KMT2C: variants seen among roughly 807,000 people sequenced by gnomAD.
KMT2C encodes lysine methyltransferase 2C.
In KMT2C, 88 loss-of-function variants were observed where a neutral mutation model predicts 507.9. That is an observed-to-expected ratio of 0.17 (90% CI 0.15 to 0.21). The LOEUF (loss-of-function observed/expected upper bound fraction) is 0.21, where lower values mean the gene tolerates loss of function less well. Among genes scored for constraint, KMT2C ranks in the 10% least tolerant of loss-of-function variants. The probability of loss-of-function intolerance (pLI) is 1.00; values close to 1 mark genes in which losing one functional copy is unlikely to be tolerated. For missense variants in KMT2C, 4,954 were observed against 5,957.8 expected (o/e 0.83, Z 5.55); for synonymous variants, 2,049 against 2,080.8 (o/e 0.98, Z 0.42).
chr7:152,410,153 G>A (rs5004953), intron 1 of KMT2C, among the ~76,000 whole-genome samples: 2 of 120,494 alleles, frequency 1.7e-5, no homozygotes, highest in South Asian at 5.3e-4. Context: ...GGCTCATGCC[G>A]GTAATCCTAG....
In KMT2C at chr7:152,145,389, A is replaced by G. The variant is rs560534731; in HGVS notation, c.14032-94T>C. ...CAAAGGATGGCCCACGACAGAAATA[A>G]CTCATCAGCGTTTTCCCCGATAATA... On this transcript the variant is annotated intron_variant, in intron 53 of 58. Coordinates refer to ENST00000262189, the MANE Select transcript of KMT2C (RefSeq NM_170606.3). 7 of 1,250,664 alleles carry G rather than the reference A, an allele frequency of 5.6e-6. No individual in the cohort carries two copies. The African/African-American group carries it at 1.1e-4, about 19-fold the overall frequency. The allele number at this position is 1,250,664 out of a possible 1,614,324, so 77.5% of individuals were successfully genotyped here. A position where few individuals can be genotyped will look rare whatever the true frequency, so the allele number is the denominator to read the frequency against.
chr7:152,298,280 A>G (rs1178921124), intron 6 of KMT2C, among the ~76,000 whole-genome samples: 4 of 152,140 alleles, frequency 2.6e-5, no homozygotes, highest in Non-Finnish European at 5.9e-5. Context: ...AAAAAGACCT[A>G]TTAACTCACG....
In KMT2C at chr7:152,162,146, C is replaced by CTAG. The variant is rs773440423; in HGVS notation, c.11428_11430dup (p.Leu3810dup). The CTAG allele has an allele frequency of 7.5e-5, 118 of 1,576,240 alleles. No individual in the cohort carries two copies. Among genetic ancestry groups the CTAG allele is most frequent in the Non-Finnish European group, 9.9e-5 (115 of 1,164,118 alleles). The stretch of plus-strand genomic sequence containing the variant: ...CCTTCAGCTGGGTTCTGCTTCTCAA[C>CTAG]TAGTTTATTATCCTTTGTACAGTCA... On this transcript the variant is annotated inframe_insertion, in exon 43 of 59. Transcript: ENST00000262189.
At chr7:152,387,964 T>C (rs200647270) in intron 1 of KMT2C, among the ~76,000 whole-genome samples, 5 of 151,792 alleles carry the variant, frequency 3.3e-5, no homozygotes, top group African/African-American at 9.6e-5. Flanking sequence ...AAAGCACATA[T>C]ACCTTTAGAA....
chr7:152,157,017 T>C (rs1408938970), intron 44 of KMT2C, among the ~76,000 whole-genome samples: 2 of 152,060 alleles, frequency 1.3e-5, no homozygotes, highest in African/African-American at 2.4e-5. Flanking sequence ...AAATTACAAA[T>C]TTTGCAAAGA....
At chr7:152,362,623 A>G (rs1426943532) in intron 1 of KMT2C, among the ~76,000 whole-genome samples, 2 of 152,208 alleles carry the variant, frequency 1.3e-5, no homozygotes, top group Non-Finnish European at 2.9e-5. Flanking sequence ...CGTATGGTTT[A>G]GCTGACTTTT....
chr7:152,220,534 T>C lies in KMT2C; in HGVS notation c.3701A>G (p.Asp1234Gly). 6.2e-7 allele frequency: 1 copy of C among 1,606,072 alleles called. No homozygotes were observed. Among genetic ancestry groups the C allele is most frequent in the Non-Finnish European group, 8.5e-7 (1 of 1,174,380 alleles). ...TAAATTAGTATTACCTCGACTATCATCCATTTCACCATCCCTTGAATGCTC... is the reference window on the plus strand; with the variant it reads ...TAAATTAGTATTACCTCGACTATCACCCATTTCACCATCCCTTGAATGCTC... Reference protein sequence around the residue: ...QSEHSRDGEMDDSREGELMDC... With the variant: ...QSEHSRDGEMGDSREGELMDC... The change falls in exon 23 of 59, where the codon GAT becomes GGT. Residue 1234 changes from aspartate to glycine, a missense_variant. This residue lies in a region of KMT2C where 176 missense variants were observed against 262.0 expected (regional missense o/e 0.67). Transcript: ENST00000262189.
At chr7:152,435,330 C>G (rs2097907102) in intron 1 of KMT2C, among the ~76,000 whole-genome samples, 1 of 151,982 alleles carries the variant, frequency 6.6e-6, no homozygotes, top group Non-Finnish European at 1.5e-5. Context: ...AGAAATTTCT[C>G]CAAAAGAAGA....
chr7:152,207,263 G>A (rs1588202784), intron 24 of KMT2C, 37 bp downstream of exon 24: 6 of 1,378,442 alleles, frequency 4.4e-6, no homozygotes, highest in East Asian at 2.3e-5. Context: ...TTAACCAAGT[G>A]TTGATGATAT....
At chr7:152,360,308 T>C (rs1184418518) in intron 1 of KMT2C, among the ~76,000 whole-genome samples, 1 of 151,482 alleles carries the variant, frequency 6.6e-6, no homozygotes, top group Non-Finnish European at 1.5e-5. Flanking sequence ...CGAAACCTCG[T>C]CTCTACTAAA....
chr7:152,309,216 C>T (rs1347479068), intron 6 of KMT2C, among the ~76,000 whole-genome samples: 5 of 151,626 alleles, frequency 3.3e-5, no homozygotes, highest in Non-Finnish European at 7.4e-5. Context: ...ATTTTCATTT[C>T]TAAAATTTTA....
intron 18 of KMT2C, among the ~76,000 whole-genome samples, chr7:152,224,824 G>C (rs1398911556): frequency 6.6e-6 from 1 of 152,042 alleles, no homozygotes; most frequent in Non-Finnish European, 1.5e-5. Context: ...ATAGAAAATG[G>C]CACATATTTT....
At chr7:152,159,193 G>A in intron 43 of KMT2C, 121 bp from the exon 44 acceptor site, 1 of 788,998 alleles carries the variant, frequency 1.3e-6, no homozygotes. Flanking sequence ...TAAATAAGTA[G>A]GGAAGATAGA....
intron 23 of KMT2C, among the ~76,000 whole-genome samples, chr7:152,209,541 C>T (rs1419619349): frequency 1.3e-5 from 2 of 150,720 alleles, no homozygotes; most frequent in Non-Finnish European, 3.0e-5. Flanking sequence ...CTCCTGAAAC[C>T]CTACTAAAAA....
chr7:152,260,898 T>G (rs2095758440), intron 9 of KMT2C, among the ~76,000 whole-genome samples: 1 of 152,154 alleles, frequency 6.6e-6, no homozygotes, highest in Admixed American at 6.5e-5. Flanking sequence ...AACTTCATTT[T>G]CAGTGGGGAA....
chr7:152,256,341 T>TA (rs1254255133), intron 9 of KMT2C, among the ~76,000 whole-genome samples: 3 of 150,404 alleles, frequency 2.0e-5, no homozygotes, highest in African/African-American at 7.3e-5. Flanking sequence ...AAAAAAATAA[T>TA]AAAAACAAAG....
rs2090320511 is a variant in KMT2C, at chr7:152,139,820, T to C, written c.14344-29A>G. ...AAAAAAAGTGTGTACATACTTCCAATTTATGTGACAACAAGTCTTTTTTCT... is the reference window on the plus strand; with the variant it reads ...AAAAAAAGTGTGTACATACTTCCAACTTATGTGACAACAAGTCTTTTTTCT... On this transcript the variant is annotated intron_variant, in intron 55 of 58. Transcript: ENST00000262189. The C allele has an allele frequency of 3.4e-6, 5 of 1,472,850 alleles. No individual in the cohort carries two copies. The South Asian group carries it at 4.6e-5, about 14-fold the overall frequency. The allele number at this position is 1,472,850 out of a possible 1,614,324, so 91.2% of individuals were successfully genotyped here.
intron 7 of KMT2C, among the ~76,000 whole-genome samples, chr7:152,268,249 A>C (rs1326398370): frequency 6.6e-6 from 1 of 152,090 alleles, no homozygotes; most frequent in Non-Finnish European, 1.5e-5. Context: ...ACTGCACTCC[A>C]GCCTGGGGGA....
intron 2 of KMT2C, among the ~76,000 whole-genome samples, chr7:152,345,528 T>C (rs2097049946): frequency 6.6e-6 from 1 of 152,132 alleles, no homozygotes; most frequent in South Asian, 2.1e-4. Context: ...TTGTGTTTGT[T>C]TGTTTGTTTG....
Sources: gnomAD v4.1 joint callset for allele counts (sites outside exome capture counted in the v4.1 genomes callset) on GRCh38, gnomAD v4.1.1 for gene constraint, gnomAD v4.1.1 regional missense constraint, MANE v1.5 for transcripts, NCBI Gene and HGNC (gene_info 2026-07-23, HGNC 2026-07-21) for gene names.